ABCD3: variants seen among roughly 807,000 people sequenced by gnomAD.
ABCD3 encodes ATP-binding cassette sub-family D member 3.
A neutral mutation model predicts 105.5 loss-of-function variants in ABCD3; 41 were observed. The ratio of observed to expected loss-of-function variants is 0.39; its 90% CI spans 0.30 to 0.50. The LOEUF is 0.50. Ranked by LOEUF, ABCD3 falls within the 20% of genes least tolerant of loss-of-function variation. The pLI is 0.84. For missense variants in ABCD3, 622 were observed against 806.3 expected, an observed-to-expected ratio of 0.77 and a Z score of 2.77; for synonymous variants, 258 against 269.0, an observed-to-expected ratio of 0.96 and a Z score of 0.40.
intron 2 of ABCD3, among the ~76,000 whole-genome samples, chr1:94,459,799 A>G (rs1474504048): frequency 1.3e-5 from 2 of 152,114 alleles, no homozygotes; most frequent in African/African-American, 4.8e-5. Context: ...GGCAACCACA[A>G]ATCTGTTTCT....
intron 10 of ABCD3, among the ~76,000 whole-genome samples, chr1:94,486,880 C>T (rs991105062): frequency 1.3e-5 from 2 of 152,182 alleles, no homozygotes; most frequent in Non-Finnish European, 2.9e-5. Context: ...AAAGTAGAAG[C>T]ATATGACCTT....
chr1:94,412,387 TG>T, the ABCD3 span, among the ~76,000 whole-genome samples: 21 of 152,320 alleles, frequency 1.4e-4, no homozygotes, highest in African/African-American at 4.8e-4. Flanking sequence ...CGTTTACAAA[TG>T]GTGATAAACT....
At chr1:94,420,295 C>T (rs1356138387) in intron 1 of ABCD3, among the ~76,000 whole-genome samples, 1 of 152,142 alleles carries the variant, frequency 6.6e-6, no homozygotes, top group African/African-American at 2.4e-5. Flanking sequence ...ACTACTAAAC[C>T]AGTTTGTAAG....
chr1:94,507,293 A>G (rs945075864), intron 21 of ABCD3, among the ~76,000 whole-genome samples: 15 of 152,090 alleles, frequency 9.9e-5, no homozygotes, highest in Non-Finnish European at 1.9e-4. Context: ...TTCCAATTTC[A>G]TCCATGTCCC....
Position 94,475,184 on chromosome 1 carries a change from G to A in ABCD3, c.447G>A (p.Glu149=). ...ACTTCTTGAAGTATGGGTTAAATGA[G>A]CTTAAACTGTGCTTCCGAGTAAGGC... is the stretch of plus-strand genomic sequence containing the variant. The part of the protein sequence containing the change: ...VNNFLKYGLN[E]LKLCFRVRLT... Residue 149 remains glutamate (E), a synonymous_variant, in exon 6 of 23, where the codon GAG becomes GAA. Transcript: ENST00000370214. 1.9e-6 allele frequency: 3 copies of A among 1,605,930 alleles called. No individual in the cohort carries two copies. The highest frequency in any genetic ancestry group is 2.6e-6 in the Non-Finnish European group (3 of 1,175,444).
chr1:94,400,943 T>C, the ABCD3 span, among the ~76,000 whole-genome samples: 9 of 152,172 alleles, frequency 5.9e-5, no homozygotes, highest in African/African-American at 1.9e-4. Context: ...AATGGATTCA[T>C]GGATTAATGT....
intron 2 of ABCD3, among the ~76,000 whole-genome samples, chr1:94,463,551 A>G (rs1056407512): frequency 5.9e-5 from 9 of 152,240 alleles, no homozygotes; most frequent in African/African-American, 2.2e-4. Context: ...GTAGTTAGCC[A>G]GATAAGTGAG....
At chr1:94,491,858 A>G (rs773729320) in intron 16 of ABCD3, among the ~76,000 whole-genome samples, 11 of 152,144 alleles carry the variant, frequency 7.2e-5, no homozygotes, top group Non-Finnish European at 1.3e-4. Context: ...AAGGGTTACT[A>G]TTTAGGTTTT....
rs922367976 is a variant in ABCD3, at chr1:94,518,039, C to A, written c.*910C>A. 3 of 151,824 alleles carry A rather than the reference C, an allele frequency of 2.0e-5. No individual in the cohort carries two copies. The highest frequency in any genetic ancestry group is 7.2e-5 in the African/African-American group (3 of 41,394). The allele number at this position is 151,824 out of a possible 1,614,324, so 9.4% of individuals were successfully genotyped here. On this transcript the variant is annotated 3_prime_UTR_variant, in exon 23 of 23. Coordinates refer to ENST00000370214, the MANE Select transcript of ABCD3 (RefSeq NM_002858.4). ...TACATGAAATAATGCACTGAGTATG[C>A]AATGCTATCACTGTCTTTGACTGTG...
intron 6 of ABCD3, 42 bp from the exon 7 acceptor site, chr1:94,475,572 A>G (rs1296363663): frequency 6.3e-7 from 1 of 1,585,134 alleles, no homozygotes; most frequent in Non-Finnish European, 8.7e-7. Flanking sequence ...TTTATCTTTA[A>G]AGTCACTTGT....
At chr1:94,474,591 A>G (rs1053133069) in intron 5 of ABCD3, among the ~76,000 whole-genome samples, 5 of 152,274 alleles carry the variant, frequency 3.3e-5, no homozygotes, top group Non-Finnish European at 7.4e-5. Flanking sequence ...TGGAATAAGC[A>G]ACATAGATAT....
chr1:94,399,826 ATAT>A, the ABCD3 span, among the ~76,000 whole-genome samples: 5 of 152,236 alleles, frequency 3.3e-5, no homozygotes, highest in African/African-American at 1.2e-4. Context: ...CATCCAGATA[ATAT>A]TTACTTTCTA....
chr1:94,498,553 GTTAATTTGAT>G (rs1316707089), intron 16 of ABCD3, 39 bp from the exon 17 acceptor site: 15 of 1,576,062 alleles, frequency 9.5e-6, no homozygotes, highest in Non-Finnish European at 1.3e-5. Context: ...TTAAGTATAT[GTTAATTTGAT>G]TTAATTACTT....
the ABCD3 span, among the ~76,000 whole-genome samples, chr1:94,407,436 G>C: frequency 1.3e-5 from 2 of 152,112 alleles, no homozygotes; most frequent in African/African-American, 4.8e-5. Flanking sequence ...CAAGCACAAG[G>C]GGTGTCTTTC....
At chr1:94,408,847 A>G in the ABCD3 span, among the ~76,000 whole-genome samples, 1 of 152,222 alleles carries the variant, frequency 6.6e-6, no homozygotes, top group African/African-American at 2.4e-5. Flanking sequence ...ATGAAACACA[A>G]GGATGGAGGA....
intron 2 of ABCD3, 124 bp from the exon 3 acceptor site, chr1:94,464,649 CTG>C (rs1404240896): frequency 1.2e-6 from 1 of 810,442 alleles, no homozygotes; most frequent in Non-Finnish European, 2.1e-6. Flanking sequence ...GTATGCAAGT[CTG>C]TGTTTTGTAA....
Position 94,498,764 on chromosome 1 carries a change from C to T in ABCD3, c.1465-19C>T, listed in dbSNP as rs755577503. On this transcript the variant is annotated intron_variant, in intron 17 of 22. Transcript: ENST00000370214. ...TGTAAATTTTACAATTGTTCTTCTC[C>T]CTTCTCTCTCTTTAATAGTTATGGC... The T allele has an allele frequency of 1.2e-5, 20 of 1,613,324 alleles. No homozygotes were observed. In the South Asian group the frequency reaches 2.2e-4, roughly 18 times the overall value.
intron 1 of ABCD3, among the ~76,000 whole-genome samples, chr1:94,422,310 C>T (rs535244341): frequency 2.0e-5 from 3 of 152,312 alleles, no homozygotes; most frequent in South Asian, 2.1e-4. Context: ...GCATTAGATT[C>T]TCATAGGAGC....
Position 94,455,874 on chromosome 1 carries a change from T to C in ABCD3, c.111-2733T>C, listed in dbSNP as rs1021521695. On this transcript the variant is annotated intron_variant, in intron 1 of 22. Transcript: ENST00000370214. ...CGTACTGCATGAATCTCCATTTATC[T>C]CTAAGTATCAATTTATAACATTTAT... The C allele has an allele frequency of 9.0e-6, 11 of 1,223,672 alleles. No individual in the cohort carries two copies. The African/African-American group carries it at 1.6e-4, about 18-fold the overall frequency. The allele number at this position is 1,223,672 out of a possible 1,614,324, so 75.8% of individuals were successfully genotyped here. A position where few individuals can be genotyped will look rare whatever the true frequency, so the allele number is the denominator to read the frequency against.
Sources: allele counts gnomAD v4.1 joint callset (sites outside exome capture counted in the v4.1 genomes callset), GRCh38; gene constraint gnomAD v4.1.1; transcripts MANE v1.5; gene names NCBI Gene and HGNC (gene_info 2026-07-23, HGNC 2026-07-21).